Variants in SASH1 observed in about 807,000 individuals in gnomAD.
SASH1 encodes SAM and SH3 domain containing 1.
Under a neutral mutation model 125.2 loss-of-function variants are expected in SASH1, and 44 were observed. The ratio of observed to expected loss-of-function variants is 0.35; its 90% CI spans 0.28 to 0.45. The LOEUF (loss-of-function observed/expected upper bound fraction) is 0.45. Ranked by LOEUF, SASH1 falls within the 20% of genes least tolerant of loss-of-function variation. The pLI is 1.00. For missense variants in SASH1, 1,426 were observed against 1,614.5 expected, an observed-to-expected ratio of 0.88 and a Z score of 2.00; for synonymous variants, 639 against 649.1, an observed-to-expected ratio of 0.98 and a Z score of 0.24.
chr6:148,257,845 G>C, the SASH1 span, among the ~76,000 whole-genome samples: 1 of 151,950 alleles, frequency 6.6e-6, no homozygotes, highest in Non-Finnish European at 1.5e-5. Flanking sequence ...TGCCCACGAT[G>C]GTCTCGATCT....
chr6:148,330,095 G>A (rs769642421), intron 1 of SASH1, among the ~76,000 whole-genome samples: 2 of 152,114 alleles, frequency 1.3e-5, no homozygotes, highest in Non-Finnish European at 2.9e-5. Context: ...AAAGGATATC[G>A]AACTTTGCTT....
chr6:148,510,100 T>G (rs1010879226), intron 8 of SASH1, among the ~76,000 whole-genome samples: 2 of 152,220 alleles, frequency 1.3e-5, no homozygotes, highest in African/African-American at 4.8e-5. Context: ...CTGTCTGCAA[T>G]CTGATGTAAT....
In SASH1 at chr6:148,471,479, G is replaced by A. The variant is rs768463422; in HGVS notation, c.490G>A (p.Gly164Arg). The change falls in exon 6 of 20, where the codon GGA becomes AGA. Residue 164 changes from glycine (G) to arginine (R), a missense_variant. Transcript: ENST00000367467. ...FWQNFRKNQK[G>R]IMRQTSKGED... ...GCAGAACTTCCGAAAGAACCAGAAA[G>A]GAATAATGAGACAGACTTCAAAAGG... The A allele has an allele frequency of 3.8e-6, 6 of 1,587,958 alleles. No homozygotes were observed. The highest frequency in any genetic ancestry group is 3.5e-5 in the Admixed American group (2 of 57,812).
At chr6:148,459,281 A>G (rs1000236103) in intron 4 of SASH1, among the ~76,000 whole-genome samples, 5 of 152,148 alleles carry the variant, frequency 3.3e-5, no homozygotes, top group Admixed American at 6.5e-5. Flanking sequence ...ACCTCAGAGG[A>G]TGACTGAATC....
chr6:148,462,365 G>T (rs1777652882), intron 4 of SASH1, among the ~76,000 whole-genome samples: 2 of 151,152 alleles, frequency 1.3e-5, no homozygotes, highest in African/African-American at 4.9e-5. Flanking sequence ...AACATGAAGT[G>T]TATTTTAGGA....
At chr6:148,463,470 A>G (rs1469043604) in intron 4 of SASH1, among the ~76,000 whole-genome samples, 2 of 152,174 alleles carry the variant, frequency 1.3e-5, no homozygotes, top group African/African-American at 4.8e-5. Context: ...AACGGAGTTT[A>G]ATAATATTCT....
At chr6:148,372,564 A>G (rs1163445343) in intron 1 of SASH1, among the ~76,000 whole-genome samples, 1 of 152,236 alleles carries the variant, frequency 6.6e-6, no homozygotes, top group African/African-American at 2.4e-5. Context: ...CTGAGGACTG[A>G]AAAGTAGATA....
Position 148,465,548 on chromosome 6 carries a change from GA to G in SASH1, c.387-2979del, listed in dbSNP as rs564107121. On this transcript the variant is annotated intron_variant, in intron 4 of 19. Transcript: ENST00000367467. ...GCAGAGTGAGACTCTGTCTCCAGGA[GA>G]AAAAAAAAAAAAAAAAAGACATCCC... Among the ~76,000 whole-genome samples, 490 of 100,820 alleles carry G rather than the reference GA, an allele frequency of 4.9e-3. 2 individuals carry two copies. The highest frequency in any genetic ancestry group is 7.2e-3 in the African/African-American group (213 of 29,720). The allele number at this position is 100,820 out of a possible 152,430, so 66.1% of individuals were successfully genotyped here.
At chr6:148,517,776 A>G (rs1191121629) in intron 9 of SASH1, among the ~76,000 whole-genome samples, 1 of 152,238 alleles carries the variant, frequency 6.6e-6, no homozygotes, top group Non-Finnish European at 1.5e-5. Flanking sequence ...AAGTATTGGA[A>G]TCTCTGACAA....
intron 8 of SASH1, among the ~76,000 whole-genome samples, chr6:148,508,169 C>T (rs6570859): frequency 0.63 from 95,684 of 151,864 alleles, 30,346 homozygotes; most frequent in East Asian, 0.72. Context: ...CTACATTTAC[C>T]CTGGTTGTTA....
chr6:148,527,735 G>A lies in SASH1; in HGVS notation c.1428+139G>A, dbSNP rs10484600. 1,632 of 816,126 alleles carry A rather than the reference G, an allele frequency of 2.0e-3. 28 individuals are homozygous for A. In the Admixed American group the frequency reaches 0.027, roughly 14 times the overall value. 50.6% of individuals were successfully genotyped at this position (816,126 alleles called of 1,614,324 possible). A position where few individuals can be genotyped will look rare whatever the true frequency, so the allele number is the denominator to read the frequency against. ...TGCTCCAAGTCCGTGCTTTATTTAC[G>A]TAGAGAAACACTGAATTCAACACAC... On this transcript the variant is annotated intron_variant, in intron 12 of 19. Coordinates refer to ENST00000367467, the MANE Select transcript of SASH1 (RefSeq NM_015278.5).
At chr6:148,373,747 GA>G (rs1393109983) in intron 1 of SASH1, among the ~76,000 whole-genome samples, 3 of 152,254 alleles carry the variant, frequency 2.0e-5, no homozygotes, top group Non-Finnish European at 2.9e-5. Flanking sequence ...AGGTGGGGGG[GA>G]TCACTTGAGG....
At chr6:148,468,169 G>A (rs1462612682) in intron 4 of SASH1, among the ~76,000 whole-genome samples, 1 of 152,156 alleles carries the variant, frequency 6.6e-6, no homozygotes, top group Admixed American at 6.5e-5. Flanking sequence ...TTGTGGTGCT[G>A]AGTTTATGTT....
chr6:148,447,384 TG>T (rs1461827132), intron 4 of SASH1, among the ~76,000 whole-genome samples: 1 of 152,236 alleles, frequency 6.6e-6, no homozygotes, highest in Non-Finnish European at 1.5e-5. Context: ...TTACTCTCCT[TG>T]GACAATGCTT....
At chr6:148,251,538 C>T in the SASH1 span, among the ~76,000 whole-genome samples, 27 of 152,222 alleles carry the variant, frequency 1.8e-4, no homozygotes, top group South Asian at 5.4e-3. Flanking sequence ...ATAATGACTC[C>T]AAGAACCCAG....
At chr6:148,203,757 C>A in the SASH1 span, among the ~76,000 whole-genome samples, 1 of 152,174 alleles carries the variant, frequency 6.6e-6, no homozygotes, top group Non-Finnish European at 1.5e-5. Context: ...GGATGCCACA[C>A]GTAGCTTTCA....
At chr6:148,452,452 C>T (rs548918995) in intron 4 of SASH1, among the ~76,000 whole-genome samples, 8 of 152,166 alleles carry the variant, frequency 5.3e-5, no homozygotes, top group Admixed American at 1.3e-4. Context: ...TGCCCTGCAC[C>T]GATCAATTTA....
chr6:148,406,581 A>T (rs1018611019), intron 2 of SASH1, among the ~76,000 whole-genome samples: 2 of 152,184 alleles, frequency 1.3e-5, no homozygotes, highest in Non-Finnish European at 2.9e-5. Flanking sequence ...GGGCTTGGGG[A>T]TCCAGGTAAG....
rs1055026621 is a variant in SASH1 at position 148,320,043 on chromosome 6, T to G, written n.74+47666T>G. 2.6e-5 allele frequency among the ~76,000 whole-genome samples: 4 copies of G among 152,236 alleles called. No individual in the cohort carries two copies. In the East Asian group the frequency reaches 7.7e-4, roughly 29 times the overall value. ...TGGCCCCAAAGTACAAGAGCAGTGA[T>G]GCTGGCATATGGTTATAATTGTTCT... On this transcript the variant is annotated intron_variant and non_coding_transcript_variant, in intron 1 of 3. Transcript: ENST00000367469.
Sources: allele counts gnomAD v4.1 joint callset (sites outside exome capture counted in the v4.1 genomes callset), GRCh38; gene constraint gnomAD v4.1.1; transcripts MANE v1.5; gene names NCBI Gene and HGNC (gene_info 2026-07-23, HGNC 2026-07-21).